Variants in PDE7B observed in about 807,000 individuals in gnomAD.
The protein encoded by PDE7B is phosphodiesterase 7B.
PDE7B carries 29 observed loss-of-function variants against 56.2 expected under a neutral mutation model. The observed-to-expected ratio is 0.52, with a 90% CI of 0.38 to 0.70. The LOEUF is 0.70. Among genes scored for constraint, PDE7B ranks in the 30% least tolerant of loss-of-function variants. The probability of loss-of-function intolerance (pLI) is 0.00; values close to 1 mark genes in which losing one functional copy is unlikely to be tolerated. For synonymous variants in PDE7B, 197 were observed against 196.9 expected (o/e 1.00, Z 0.00); for missense variants, 490 against 565.0 (o/e 0.87, Z 1.35).
intron 2 of PDE7B, among the ~76,000 whole-genome samples, chr6:135,986,419 C>G (rs188556571): frequency 6.6e-6 from 1 of 152,124 alleles, no homozygotes; most frequent in African/African-American, 2.4e-5. Flanking sequence ...AGTAGCCATG[C>G]AATTAAGCAA....
At position 135,891,641 on chromosome 6, in the gene PDE7B, A is replaced by G. The variant is rs1371030527; in HGVS notation, c.21+39622A>G. On this transcript the variant is annotated intron_variant, in intron 1 of 12. Coordinates refer to ENST00000308191, the MANE Select transcript of PDE7B (RefSeq NM_018945.4). ...TTCAAAATGTGCATTCTCAGGCTCCACTGCCAGCCATTTTCATTCATTTGG... is the reference window on the plus strand; with the variant it reads ...TTCAAAATGTGCATTCTCAGGCTCCGCTGCCAGCCATTTTCATTCATTTGG... Among the ~76,000 whole-genome samples the G allele has an allele frequency of 6.6e-5, 10 of 152,340 alleles. No homozygotes were observed. The East Asian group carries it at 1.9e-3, about 29-fold the overall frequency.
At chr6:136,028,952 A>G (rs894510437) in intron 2 of PDE7B, among the ~76,000 whole-genome samples, 16 of 152,188 alleles carry the variant, frequency 1.1e-4, no homozygotes, top group African/African-American at 3.9e-4. Flanking sequence ...TTGTGCAACA[A>G]TATGACTTCC....
intron 9 of PDE7B, 111 bp downstream of exon 9, chr6:136,173,999 T>C: frequency 1.3e-6 from 1 of 746,202 alleles, no homozygotes; most frequent in East Asian, 2.6e-5. Context: ...CCCCCGGCTG[T>C]ACTTCCTGCC....
chr6:136,033,453 T>A (rs1021193017), intron 2 of PDE7B, among the ~76,000 whole-genome samples: 3 of 152,088 alleles, frequency 2.0e-5, no homozygotes, highest in African/African-American at 4.8e-5. Flanking sequence ...GCCGGGCAGG[T>A]CCCCAGTACC....
intron 2 of PDE7B, among the ~76,000 whole-genome samples, chr6:136,063,927 A>C (rs768625254): frequency 1.6e-4 from 25 of 152,134 alleles, no homozygotes; most frequent in Admixed American, 3.9e-4. Flanking sequence ...TGGCTAACAT[A>C]ATAAATTCCC....
At position 135,917,016 on chromosome 6, in the gene PDE7B, C is replaced by A. The variant is rs78484512; in HGVS notation, c.22-30448C>A. Among the ~76,000 whole-genome samples, 396 of 152,170 alleles carry A rather than the reference C, an allele frequency of 2.6e-3. 6 individuals are homozygous for A. The East Asian group carries it at 0.06, about 23-fold the overall frequency. ...TTCTATGTAAGAAATCTTTGCTTAA[C>A]CCAAGGTTGCAAAGATAATCTATGT... On this transcript the variant is annotated intron_variant, in intron 1 of 12. Transcript: ENST00000308191.
chr6:135,901,623 G>A (rs1336731477), intron 1 of PDE7B, among the ~76,000 whole-genome samples: 1 of 152,110 alleles, frequency 6.6e-6, no homozygotes, highest in Admixed American at 6.6e-5. Context: ...AGGTGGACAA[G>A]TCAAGCTCCA....
chr6:136,038,013 T>G (rs1776353294), intron 2 of PDE7B: 1 of 1,300,780 alleles, frequency 7.7e-7, no homozygotes, highest in African/African-American at 1.5e-5. Flanking sequence ...ACAGTAACAG[T>G]TTCTCACCAG....
At chr6:136,157,043 A>C (rs1778620482) in intron 8 of PDE7B, among the ~76,000 whole-genome samples, 1 of 152,198 alleles carries the variant, frequency 6.6e-6, no homozygotes. Context: ...GGTGAGTACT[A>C]TTATCATACC....
At chr6:135,883,018 A>G (rs1775637929) in intron 1 of PDE7B, among the ~76,000 whole-genome samples, 1 of 152,208 alleles carries the variant, frequency 6.6e-6, no homozygotes, top group Admixed American at 6.5e-5. Context: ...CAGACTACAT[A>G]TCCTCAATTA....
chr6:136,108,675 A>G (rs1174808871), intron 2 of PDE7B, 56 bp from the exon 3 acceptor site: 1 of 1,132,854 alleles, frequency 8.8e-7, no homozygotes, highest in African/African-American at 1.5e-5. Flanking sequence ...TACAGGGGAA[A>G]AGTGAATGCA....
rs534746084 is a variant in PDE7B at position 136,093,692 on chromosome 6, G to A, written c.83-15039G>A. 2.0e-5 allele frequency among the ~76,000 whole-genome samples: 3 copies of A among 152,286 alleles called. No individual in the cohort carries two copies. The East Asian group carries it at 5.8e-4, about 29-fold the overall frequency. On this transcript the variant is annotated intron_variant, in intron 2 of 12. Coordinates refer to ENST00000308191, the MANE Select transcript of PDE7B (RefSeq NM_018945.4). ...TGAGAAAGCCATCTCTGGGAGCCAT[G>A]AGCAGAGAGAGAAGGGGGCACAGTA...
chr6:136,120,723 G>C (rs992470148), intron 3 of PDE7B, among the ~76,000 whole-genome samples: 1 of 152,154 alleles, frequency 6.6e-6, no homozygotes, highest in Non-Finnish European at 1.5e-5. Flanking sequence ...TGCTTTTGTG[G>C]CACTATATGT....
chr6:136,022,628 C>T (rs17065213), intron 2 of PDE7B, among the ~76,000 whole-genome samples: 2,753 of 152,290 alleles, frequency 0.018, 99 homozygotes, highest in East Asian at 0.1. Flanking sequence ...ATCTTTGTGC[C>T]TGAAGAGCCA....
At chr6:136,013,128 G>GA (rs1035650917) in intron 2 of PDE7B, among the ~76,000 whole-genome samples, 1 of 151,920 alleles carries the variant, frequency 6.6e-6, no homozygotes, top group Admixed American at 6.6e-5. Flanking sequence ...AGTCAGAGGG[G>GA]AAAAAAAACT....
At chr6:135,860,722 A>C (rs1163121746) in intron 1 of PDE7B, among the ~76,000 whole-genome samples, 1 of 152,036 alleles carries the variant, frequency 6.6e-6, no homozygotes, top group Non-Finnish European at 1.5e-5. Flanking sequence ...GAAAGAGTAA[A>C]ACTTAATGTT....
At chr6:135,897,466 A>G (rs1229781271) in intron 1 of PDE7B, among the ~76,000 whole-genome samples, 1 of 152,216 alleles carries the variant, frequency 6.6e-6, no homozygotes, top group African/African-American at 2.4e-5. Flanking sequence ...GTCATGTTAA[A>G]GACACCCATG....
chr6:136,056,512 C>CTTTTT lies in PDE7B; in HGVS notation c.83-52186_83-52182dup, dbSNP rs542232291. On this transcript the variant is annotated intron_variant, in intron 2 of 12. Coordinates refer to ENST00000308191, the MANE Select transcript of PDE7B (RefSeq NM_018945.4). ...TCTGAGCTCCTTTGCAGATAGAATC[C>CTTTTT]TTTTTTTTTTTTTTTTTTTTTTTTT... Among the ~76,000 whole-genome samples the CTTTTT allele has an allele frequency of 4.6e-4, 25 of 53,940 alleles. 5 individuals are homozygous for CTTTTT. Among genetic ancestry groups the CTTTTT allele is most frequent in the African/African-American group, 2.2e-3 (23 of 10,484 alleles). 35.4% of individuals were successfully genotyped at this position (53,940 alleles called of 152,430 possible). A position where few individuals can be genotyped will look rare whatever the true frequency, so the allele number is the denominator to read the frequency against.
chr6:136,109,462 A>G (rs1777708582), intron 3 of PDE7B, among the ~76,000 whole-genome samples: 1 of 152,220 alleles, frequency 6.6e-6, no homozygotes, highest in Non-Finnish European at 1.5e-5. Context: ...TTTTGTTTTT[A>G]AAACCCCACA....
Sources: gnomAD v4.1 joint callset for allele counts (sites outside exome capture counted in the v4.1 genomes callset) on GRCh38, gnomAD v4.1.1 for gene constraint, MANE v1.5 for transcripts, NCBI Gene and HGNC (gene_info 2026-07-23, HGNC 2026-07-21) for gene names.